TYW1B: variants seen among roughly 807,000 people sequenced by gnomAD.
TYW1B encodes S-adenosyl-L-methionine-dependent tRNA 4-demethylwyosine synthase TYW1B.
Under a neutral mutation model 86.9 loss-of-function variants are expected in TYW1B, and 73 were observed. That is an observed-to-expected ratio of 0.84 (90% CI 0.70 to 1.02). The LOEUF is 1.02. TYW1B is among the 50% of genes least tolerant of loss of function. TYW1B has a pLI of 0.00. For synonymous variants in TYW1B, 248 were observed against 292.8 expected, an observed-to-expected ratio of 0.85 and a Z score of 1.56; for missense variants, 637 against 827.4, an observed-to-expected ratio of 0.77 and a Z score of 2.82.
intron 7 of TYW1B, among the ~76,000 whole-genome samples, chr7:72,760,561 T>G (rs1787670115): frequency 6.6e-6 from 1 of 152,220 alleles, no homozygotes. Flanking sequence ...GTGTCTACAT[T>G]GTATAACTTG....
At position 72,807,092 on chromosome 7, in the gene TYW1B, C is replaced by G. The variant is rs1788510353; in HGVS notation, c.697G>C (p.Asp233His). The G allele has an allele frequency of 3.1e-6, 5 of 1,614,110 alleles. No individual in the cohort carries two copies. The Admixed American group carries it at 6.7e-5, about 22-fold the overall frequency. ...EEREEGSQEQ[D>H]ELHHRDTKEE... ...TTGGTGTCTCTGTGATGCAATTCGTCCTGCTCTTGAGATCCTTCCTCCCTC... is the reference window on the plus strand; with the variant it reads ...TTGGTGTCTCTGTGATGCAATTCGTGCTGCTCTTGAGATCCTTCCTCCCTC... The change falls in exon 5 of 14, where the codon GAC becomes CAC. Residue 233 changes from aspartate to histidine, a missense_variant. By Grantham distance (81) the Asp-to-His change is moderately conservative. Transcript: ENST00000620995.
intron 4 of TYW1B, among the ~76,000 whole-genome samples, chr7:72,810,263 G>A (rs1788580395): frequency 6.6e-6 from 1 of 152,196 alleles, no homozygotes; most frequent in Admixed American, 6.5e-5. Context: ...GGGTGACAGA[G>A]CAAAACTCTA....
In TYW1B at chr7:72,701,584, T is replaced by C. The variant is rs1814476209; in HGVS notation, c.1371-6762A>G. On this transcript the variant is annotated intron_variant, in intron 10 of 13. Coordinates refer to ENST00000620995, the MANE Select transcript of TYW1B (RefSeq NM_001145440.3). ...TGGCTATTGTTTTAAATATCATTAG[T>C]GGCAACTCCGGAAATCAGATACCTC... Among the ~76,000 whole-genome samples the C allele has an allele frequency of 4.6e-5, 7 of 152,288 alleles. No individual in the cohort carries two copies. In the South Asian group the frequency reaches 1.5e-3, roughly 32 times the overall value.
At chr7:72,663,242 T>C (rs1813378113) in intron 11 of TYW1B, among the ~76,000 whole-genome samples, 1 of 152,154 alleles carries the variant, frequency 6.6e-6, no homozygotes, top group South Asian at 2.1e-4. Context: ...TTTGTGGCAA[T>C]GGGTCACCAT....
At chr7:72,668,826 G>A (rs1219402968) in intron 11 of TYW1B, among the ~76,000 whole-genome samples, 5 of 152,232 alleles carry the variant, frequency 3.3e-5, no homozygotes, top group African/African-American at 9.6e-5. Flanking sequence ...TCTCAGTTCC[G>A]CTATCACTTC....
Position 72,757,934 on chromosome 7 carries a change from A to G in TYW1B, c.965-13333T>C, listed in dbSNP as rs1373738890. Among the ~76,000 whole-genome samples the G allele has an allele frequency of 2.6e-5, 4 of 152,110 alleles. No homozygotes were observed. In the East Asian group the frequency reaches 7.7e-4, roughly 29 times the overall value. ...TAACACTCCTCATTTTTTCCTTTAT[A>G]GCTGGGTGTAGGCCGGGCGTGGTGG... On this transcript the variant is annotated intron_variant, in intron 7 of 13. Coordinates refer to ENST00000620995, the MANE Select transcript of TYW1B (RefSeq NM_001145440.3).
chr7:72,667,879 T>C (rs1373793946), intron 11 of TYW1B, among the ~76,000 whole-genome samples: 1 of 152,236 alleles, frequency 6.6e-6, no homozygotes, highest in East Asian at 1.9e-4. Flanking sequence ...TTCTATTCCC[T>C]TGTGGCTAGC....
chr7:72,828,186 T>C lies in TYW1B; in HGVS notation c.-111A>G, dbSNP rs1197048292. Reference sequence around the variant, plus strand: ...CTCGCGGCGTTAGCGCCGTACCGAGTGGCTGCAGAACTGTGGGCAGCTACG... The same window carrying C: ...CTCGCGGCGTTAGCGCCGTACCGAGCGGCTGCAGAACTGTGGGCAGCTACG... On this transcript the variant is annotated 5_prime_UTR_variant, in exon 1 of 14. Coordinates refer to ENST00000620995, the MANE Select transcript of TYW1B (RefSeq NM_001145440.3). The C allele has an allele frequency of 1.3e-6, 2 of 1,566,790 alleles. No individual in the cohort carries two copies. The highest frequency in any genetic ancestry group is 1.2e-5 in the South Asian group (1 of 86,102).
chr7:72,741,168 A>C (rs1377860498), intron 8 of TYW1B, among the ~76,000 whole-genome samples: 1 of 152,186 alleles, frequency 6.6e-6, no homozygotes, highest in African/African-American at 2.4e-5. Context: ...AAATACTTTA[A>C]GCCAACTATC....
At chr7:72,691,094 T>C (rs1554450243) in intron 11 of TYW1B, among the ~76,000 whole-genome samples, 2 of 152,240 alleles carry the variant, frequency 1.3e-5, no homozygotes, top group African/African-American at 4.8e-5. Context: ...CTAACCCATA[T>C]AACTACAAAA....
chr7:72,723,075 T>C lies in TYW1B; in HGVS notation c.1192+5747A>G, dbSNP rs1554457930. 44 of 989,468 alleles carry C rather than the reference T, an allele frequency of 4.4e-5. 1 individual carries two copies. Among genetic ancestry groups the C allele is most frequent in the Non-Finnish European group, 4.4e-6 (3 of 686,678 alleles). The allele number at this position is 989,468 out of a possible 1,614,324, so 61.3% of individuals were successfully genotyped here. On this transcript the variant is annotated intron_variant, in intron 9 of 13. Transcript: ENST00000620995. ...CTGGGTCCCAAGGGGACAAGGAGCC[T>C]GGTTTGCCCCCACCCCACTGAGGGA...
At chr7:72,578,114 AT>A (rs11428029) in intron 13 of TYW1B, among the ~76,000 whole-genome samples, 168 of 129,138 alleles carry the variant, frequency 1.3e-3, no homozygotes, top group Middle Eastern at 8.8e-3. Flanking sequence ...CTTCCTCACC[AT>A]TTTTTTTTTT....
chr7:72,647,913 T>C (rs1241903047), intron 11 of TYW1B, among the ~76,000 whole-genome samples: 5 of 152,100 alleles, frequency 3.3e-5, no homozygotes, highest in Non-Finnish European at 5.9e-5. Context: ...CTCGAACTCC[T>C]GACCTCAAGT....
At chr7:72,827,092 C>T (rs1788947021) in intron 1 of TYW1B, 107 bp from the exon 2 acceptor site, 12 of 1,380,812 alleles carry the variant, frequency 8.7e-6, no homozygotes, top group South Asian at 1.4e-5. Context: ...ATTCAACAAC[C>T]CAGCTAAGAA....
chr7:72,578,793 GGT>G (rs1280447232), intron 13 of TYW1B, among the ~76,000 whole-genome samples: 1 of 152,204 alleles, frequency 6.6e-6, no homozygotes, highest in African/African-American at 2.4e-5. Flanking sequence ...TACAGGGACA[GGT>G]GTGATAAATC....
At chr7:72,597,442 G>A (rs1811563198) in intron 13 of TYW1B, among the ~76,000 whole-genome samples, 1 of 152,190 alleles carries the variant, frequency 6.6e-6, no homozygotes, top group African/African-American at 2.4e-5. Context: ...TTCAAAGAAA[G>A]TAGGAAGGAA....
At chr7:72,669,221 T>C (rs769642551) in intron 11 of TYW1B, among the ~76,000 whole-genome samples, 1 of 141,388 alleles carries the variant, frequency 7.1e-6, no homozygotes, top group Non-Finnish European at 1.5e-5. Flanking sequence ...CTCGGCTCAT[T>C]CCAACTTCCG....
At chr7:72,744,014 A>C (rs1787351081) in intron 8 of TYW1B, among the ~76,000 whole-genome samples, 1 of 89,610 alleles carries the variant, frequency 1.1e-5, no homozygotes, top group Admixed American at 1.1e-4. Flanking sequence ...AACCAGCTGA[A>C]ACACAACATT....
chr7:72,673,138 G>C (rs2129569757), intron 11 of TYW1B, among the ~76,000 whole-genome samples: 1 of 152,310 alleles, frequency 6.6e-6, no homozygotes, highest in East Asian at 1.9e-4. Context: ...CTGCACTCCA[G>C]CCTGGGCGAC....
Sources: allele counts gnomAD v4.1 joint callset (sites outside exome capture counted in the v4.1 genomes callset), GRCh38; gene constraint gnomAD v4.1.1; transcripts MANE v1.5; gene names NCBI Gene and HGNC (gene_info 2026-07-23, HGNC 2026-07-21).